Variants in NRG3 observed in about 807,000 individuals in gnomAD.
NRG3 encodes pro-neuregulin-3, membrane-bound isoform.
In NRG3, 31 loss-of-function variants were observed where a neutral mutation model predicts 66.9. The observed-to-expected ratio is 0.46, with a 90% CI of 0.35 to 0.63. NRG3 has a LOEUF of 0.63. NRG3 is among the 20% of genes least tolerant of loss of function. NRG3 has a pLI of 0.00. For missense variants in NRG3, 910 were observed against 878.9 expected, an observed-to-expected ratio of 1.04 and a Z score of -0.45; for synonymous variants, 393 against 359.4, an observed-to-expected ratio of 1.09 and a Z score of -1.06.
intron 2 of NRG3, among the ~76,000 whole-genome samples, chr10:82,666,717 T>G (rs149615753): frequency 6.6e-6 from 1 of 152,346 alleles, no homozygotes; most frequent in Non-Finnish European, 1.5e-5. Context: ...AGATCTGACT[T>G]CTATCCCAAT....
chr10:82,477,855 A>G (rs1422498929), intron 2 of NRG3, among the ~76,000 whole-genome samples: 1 of 152,184 alleles, frequency 6.6e-6, no homozygotes, highest in Non-Finnish European at 1.5e-5. Context: ...TTAGCTACTA[A>G]TTAGCTGAAC....
intron 1 of NRG3, among the ~76,000 whole-genome samples, chr10:82,005,757 C>T (rs922402665): frequency 3.9e-5 from 6 of 152,102 alleles, no homozygotes; most frequent in Non-Finnish European, 7.4e-5. Context: ...GTTTGCAACA[C>T]GTTTAGCATG....
At chr10:82,737,775 C>A (rs2058226361) in intron 2 of NRG3, among the ~76,000 whole-genome samples, 1 of 152,182 alleles carries the variant, frequency 6.6e-6, no homozygotes, top group Admixed American at 6.5e-5. Flanking sequence ...GGCCAAGCAG[C>A]CCTGATTGAG....
At chr10:82,096,838 G>T (rs1258602118) in intron 1 of NRG3, among the ~76,000 whole-genome samples, 1 of 152,074 alleles carries the variant, frequency 6.6e-6, no homozygotes. Context: ...AGACAGAAAA[G>T]CCTACACATG....
chr10:82,521,506 AT>A (rs555714868), intron 2 of NRG3, among the ~76,000 whole-genome samples: 82 of 151,686 alleles, frequency 5.4e-4, no homozygotes, highest in Middle Eastern at 3.4e-3. Context: ...ACGCCCTGCT[AT>A]TTTTTTGTAT....
chr10:82,452,558 A>G (rs367845173), intron 2 of NRG3, among the ~76,000 whole-genome samples: 40 of 152,270 alleles, frequency 2.6e-4, no homozygotes, highest in African/African-American at 9.4e-4. Context: ...CATCTCAGAT[A>G]GAGAAATACA....
At chr10:82,429,682 A>G (rs566203889) in intron 2 of NRG3, among the ~76,000 whole-genome samples, 14 of 152,226 alleles carry the variant, frequency 9.2e-5, no homozygotes, top group African/African-American at 3.1e-4. Context: ...TTAAATTTTC[A>G]GTTGAAATTC....
chr10:82,280,989 G>A (rs188731742), intron 1 of NRG3, among the ~76,000 whole-genome samples: 55 of 152,238 alleles, frequency 3.6e-4, no homozygotes, highest in African/African-American at 1.2e-3. Flanking sequence ...CATAATTGTA[G>A]CCTGATTAAA....
intron 4 of NRG3, among the ~76,000 whole-genome samples, chr10:82,892,744 C>G (rs1054948592): frequency 1.3e-5 from 2 of 151,636 alleles, no homozygotes; most frequent in South Asian, 4.2e-4. Flanking sequence ...TCTTCATAAT[C>G]AATGGACATA....
chr10:81,985,490 A>T, intron 1 of NRG3, among the ~76,000 whole-genome samples: 1 of 152,228 alleles, frequency 6.6e-6, no homozygotes, highest in East Asian at 1.9e-4. Flanking sequence ...TATAATCGCT[A>T]TCAATGATAT....
chr10:82,822,519 C>T (rs771152055), intron 3 of NRG3, among the ~76,000 whole-genome samples: 3 of 152,112 alleles, frequency 2.0e-5, no homozygotes, highest in Admixed American at 6.5e-5. Context: ...ATAACTTGCT[C>T]TACACAATTG....
intron 2 of NRG3, among the ~76,000 whole-genome samples, chr10:82,530,033 C>G (rs191639219): frequency 3.0e-4 from 45 of 152,234 alleles, no homozygotes; most frequent in African/African-American, 1.0e-3. Flanking sequence ...ATGGGAATTT[C>G]TTCTAGTTCA....
chr10:82,837,586 G>T (rs2062843554), intron 3 of NRG3, among the ~76,000 whole-genome samples: 1 of 152,138 alleles, frequency 6.6e-6, no homozygotes. Flanking sequence ...CGCGAATCAT[G>T]ATTTTGAAGG....
intron 1 of NRG3, among the ~76,000 whole-genome samples, chr10:81,932,277 A>G (rs1490235339): frequency 6.6e-6 from 1 of 152,004 alleles, no homozygotes; most frequent in Non-Finnish European, 1.5e-5. Context: ...AGTGCCATAC[A>G]CTTTTTAATG....
chr10:82,381,684 A>G (rs774329888), intron 2 of NRG3, among the ~76,000 whole-genome samples: 16 of 152,148 alleles, frequency 1.1e-4, no homozygotes, highest in Non-Finnish European at 1.8e-4. Flanking sequence ...TTTATCACTT[A>G]TGCTTCATGG....
chr10:82,631,404 T>C (rs1397725800), intron 2 of NRG3, among the ~76,000 whole-genome samples: 1 of 152,166 alleles, frequency 6.6e-6, no homozygotes, highest in African/African-American at 2.4e-5. Flanking sequence ...CTCTATATTT[T>C]GAACTCATGA....
intron 1 of NRG3, among the ~76,000 whole-genome samples, chr10:82,142,962 TC>T (rs536993899): frequency 2.4e-3 from 334 of 141,128 alleles, no homozygotes; most frequent in African/African-American, 8.7e-3. Context: ...AGAGACAGAG[TC>T]TCACTATATT....
rs1282610208 is a variant in NRG3 at position 82,893,004 on chromosome 10, T to C, written c.1054+27567T>C. Among the ~76,000 whole-genome samples, 5 of 152,234 alleles carry C rather than the reference T, an allele frequency of 3.3e-5. No homozygotes were observed. In the East Asian group the frequency reaches 9.7e-4, roughly 29 times the overall value. On this transcript the variant is annotated intron_variant, in intron 4 of 8. Transcript: ENST00000372141. The stretch of plus-strand genomic sequence containing the variant: ...TGATAGAATAAAAAACAAACTTAAA[T>C]ATTTATAACATAATGGGATATCTTA...
At chr10:82,687,553 A>C (rs2054606518) in intron 2 of NRG3, among the ~76,000 whole-genome samples, 2 of 152,072 alleles carry the variant, frequency 1.3e-5, no homozygotes, top group South Asian at 4.1e-4. Flanking sequence ...CAGGAGAGAA[A>C]TTGGACTAAA....
Sources: gnomAD v4.1 joint callset for allele counts (sites outside exome capture counted in the v4.1 genomes callset) on GRCh38, gnomAD v4.1.1 for gene constraint, MANE v1.5 for transcripts, NCBI Gene and HGNC (gene_info 2026-07-23, HGNC 2026-07-21) for gene names.